Variants in MEF2B observed in about 807,000 individuals in gnomAD.
MEF2B encodes myocyte-specific enhancer factor 2B.
MEF2B carries 15 observed loss-of-function variants against 32.2 expected under a neutral mutation model. The observed-to-expected ratio is 0.47, with a 90% CI of 0.31 to 0.72. MEF2B has a LOEUF of 0.72. Ranked by LOEUF, MEF2B falls within the 30% of genes least tolerant of loss-of-function variation. The pLI is 0.05. For missense variants in MEF2B, 441 were observed against 511.5 expected (o/e 0.86, Z 1.33); for synonymous variants, 205 against 225.6 (o/e 0.91, Z 0.82).
chr19:19,155,310 C>T (rs1010263896), intron 1 of MEF2B, among the ~76,000 whole-genome samples: 3 of 152,184 alleles, frequency 2.0e-5, no homozygotes, highest in Non-Finnish European at 2.9e-5. Flanking sequence ...CCTATCCAAA[C>T]GTCAAAACCC....
intron 2 of MEF2B, 122 bp from the exon 3 acceptor site, chr19:19,149,551 C>G: frequency 7.5e-7 from 1 of 1,329,668 alleles, no homozygotes; most frequent in Non-Finnish European, 1.0e-6. Context: ...TCTGGCTGAG[C>G]TGGTAATTCT....
chr19:19,164,557 T>C (rs2060192034), intron 1 of MEF2B, among the ~76,000 whole-genome samples: 1 of 152,218 alleles, frequency 6.6e-6, no homozygotes, highest in Non-Finnish European at 1.5e-5. Context: ...CTCACGCCTG[T>C]AATCCCACTA....
At chr19:19,148,680 CTTATTTATTTAT>C (rs200858994) in intron 3 of MEF2B, among the ~76,000 whole-genome samples, 1,875 of 142,244 alleles carry the variant, frequency 0.013, 31 homozygotes, top group African/African-American at 0.04. Context: ...ACTCCTCTGT[CTTATTTATTTAT>C]TTATTTATTT....
At position 19,155,905 on chromosome 19, in the gene MEF2B, G is replaced by C. The variant is rs752062425; in HGVS notation, c.-29-5141C>G. ...CCCTGCTTTGTCCAGCCAGAAATCA[G>C]AGAGCTGTGGCATCTGCCCAGCGCA... On this transcript the variant is annotated intron_variant, in intron 1 of 8. Transcript: ENST00000424583. 2.6e-5 allele frequency among the ~76,000 whole-genome samples: 4 copies of C among 152,212 alleles called. No homozygotes were observed. The South Asian group carries it at 8.3e-4, about 31-fold the overall frequency.
At chr19:19,163,042 G>A (rs1174515378) in intron 1 of MEF2B, among the ~76,000 whole-genome samples, 4 of 152,126 alleles carry the variant, frequency 2.6e-5, no homozygotes, top group African/African-American at 9.7e-5. Flanking sequence ...CCCTTTGCCC[G>A]GACTGTGTCC....
intron 1 of MEF2B, among the ~76,000 whole-genome samples, chr19:19,168,118 C>T (rs936566070): frequency 5.9e-5 from 9 of 152,188 alleles, no homozygotes; most frequent in African/African-American, 1.7e-4. Flanking sequence ...TCTCCGAAGT[C>T]GAAATACTTT....
At chr19:19,163,718 A>G (rs917139052) in intron 1 of MEF2B, among the ~76,000 whole-genome samples, 4 of 152,088 alleles carry the variant, frequency 2.6e-5, no homozygotes, top group Non-Finnish European at 5.9e-5. Flanking sequence ...TAATGGCACA[A>G]TCTGGGCCTA....
At chr19:19,164,865 G>A (rs2060194282) in intron 1 of MEF2B, among the ~76,000 whole-genome samples, 1 of 152,214 alleles carries the variant, frequency 6.6e-6, no homozygotes, top group African/African-American at 2.4e-5. Flanking sequence ...CTAAGCCACA[G>A]TAGTGGCTGC....
chr19:19,162,264 G>C (rs534291408), intron 1 of MEF2B, among the ~76,000 whole-genome samples: 28 of 152,198 alleles, frequency 1.8e-4, no homozygotes, highest in Middle Eastern at 3.4e-3. Flanking sequence ...GGCTACAAGC[G>C]CACACCTAAT....
At chr19:19,158,387 C>A (rs1449214436) in intron 1 of MEF2B, among the ~76,000 whole-genome samples, 1 of 85,442 alleles carries the variant, frequency 1.2e-5, no homozygotes, top group Non-Finnish European at 2.6e-5. Context: ...GCGCCCCCGG[C>A]CCAAAAGGAA....
chr19:19,148,714 TA>T (rs1279272457), intron 3 of MEF2B, among the ~76,000 whole-genome samples: 2 of 151,080 alleles, frequency 1.3e-5, no homozygotes, highest in African/African-American at 4.9e-5. Context: ...TTTATTTATT[TA>T]TTTATTTATT....
At chr19:19,147,442 G>C (rs1368163034) in intron 4 of MEF2B, among the ~76,000 whole-genome samples, 1 of 68,826 alleles carries the variant, frequency 1.5e-5, no homozygotes, top group Non-Finnish European at 3.3e-5. Context: ...GCACTGAGGG[G>C]GCTGCACAGA....
chr19:19,147,173 G>C lies in MEF2B; in HGVS notation c.404C>G (p.Pro135Arg). ...LPRPRLYPAAPAMPSPDVVYG... is the reference protein window; with the variant it reads ...LPRPRLYPAARAMPSPDVVYG... ...TACCACATCTGGGCTGGGCATAGCA[G>C]GAGCTGCAGGCTGTGGGTAGAGAAG... Residue 135 changes from proline (P) to arginine (R), a missense_variant, in exon 5 of 9, where the codon CCT becomes CGT. Coordinates refer to ENST00000424583, the MANE Select transcript of MEF2B (RefSeq NM_001145785.2). 1.3e-6 allele frequency: 2 copies of C among 1,576,452 alleles called. No individual in the cohort carries two copies. The highest frequency in any genetic ancestry group is 1.2e-5 in the South Asian group (1 of 86,758).
rs527247795 is a variant in MEF2B at position 19,168,213 on chromosome 19, G to C, written c.-30+1992C>G. Among the ~76,000 whole-genome samples the C allele has an allele frequency of 1.2e-3, 183 of 152,084 alleles. 1 individual carries two copies. Among genetic ancestry groups the C allele is most frequent in the African/African-American group, 4.3e-3 (178 of 41,482 alleles). ...TCCAGGGGCCCTGCCCTTCCCCAGG[G>C]ATGATTCTTGGCCAGGCTAGCCTGA... On this transcript the variant is annotated intron_variant, in intron 1 of 8. Transcript: ENST00000424583.
At position 19,147,782 on chromosome 19, in the gene MEF2B, A is replaced by T. The variant is rs1442018070; in HGVS notation, c.309T>A (p.Asp103Glu). Residue 103 changes from aspartate to glutamate, a missense_variant, in exon 4 of 9, where the codon GAT (aspartate) becomes GAA (glutamate). Around this residue, in one of 2 missense-constraint regions of MEF2B, gnomAD observed 115 missense variants for 183.1 expected, o/e 0.63. Transcript: ENST00000424583. ...TCTCTCCTGGCTCCTCAGGCCCTTC[A>T]TCCGGCTCCAGCTCTGGCCCATCGA... Reference protein sequence around the residue: ...IGLDGPELEPDEGPEEPGEKF... With the variant: ...IGLDGPELEPEEGPEEPGEKF... 1 of 1,613,660 alleles carries T rather than the reference A, an allele frequency of 6.2e-7. No homozygotes were observed. The highest frequency in any genetic ancestry group is 1.3e-5 in the African/African-American group (1 of 74,908).
At position 19,149,398 on chromosome 19, in the gene MEF2B, A is replaced by G; in HGVS notation, c.86T>C (p.Met29Thr). 1 of 1,614,010 alleles carries G rather than the reference A, an allele frequency of 6.2e-7. No individual in the cohort carries two copies. The highest frequency in any genetic ancestry group is 8.5e-7 in the Non-Finnish European group (1 of 1,180,026). Residue 29 changes from methionine (M) to threonine (T), a missense_variant, in exon 3 of 9, where the codon ATG (methionine) becomes ACG (threonine). Met to Thr is a moderately conservative substitution (Grantham distance 81). This residue lies in a region of MEF2B where 115 missense variants were observed against 183.1 expected (regional missense o/e 0.63). Coordinates refer to ENST00000424583, the MANE Select transcript of MEF2B (RefSeq NM_001145785.2). ...VTFTKRKFGL[M>T]KKAYELSVLC... is the part of the protein sequence containing the mutation. ...CACGCTCAGCTCATAGGCCTTCTTC[A>G]TCAGCCCGAACTTCCGCTTGGTGAA... is the stretch of plus-strand genomic sequence containing the variant.
intron 1 of MEF2B, among the ~76,000 whole-genome samples, chr19:19,160,212 C>T (rs541956838): frequency 1.4e-4 from 21 of 152,060 alleles, no homozygotes; most frequent in Admixed American, 3.9e-4. Context: ...TCAAGTGATC[C>T]GCCTGCTTTG....
intron 1 of MEF2B, among the ~76,000 whole-genome samples, chr19:19,160,649 C>T (rs1468852476): frequency 2.0e-4 from 26 of 128,076 alleles, no homozygotes; most frequent in Admixed American, 1.7e-3. Flanking sequence ...GGTGAGGGCC[C>T]GCGGGAGGCG....
chr19:19,161,931 C>T lies in MEF2B; in HGVS notation c.-30+8274G>A, dbSNP rs577737071. Among the ~76,000 whole-genome samples the T allele has an allele frequency of 7.9e-5, 12 of 152,014 alleles. No homozygotes were observed. The South Asian group carries it at 2.3e-3, about 29-fold the overall frequency. The stretch of plus-strand genomic sequence containing the variant: ...CAAGCGATTCTCCTGCCTCAGCCTC[C>T]CCAGTAGCTGGGATTACAGCCATGC... On this transcript the variant is annotated intron_variant, in intron 1 of 8. Transcript: ENST00000424583.
Sources: gnomAD v4.1 joint callset for allele counts (sites outside exome capture counted in the v4.1 genomes callset) on GRCh38, gnomAD v4.1.1 for gene constraint, gnomAD v4.1.1 regional missense constraint, MANE v1.5 for transcripts, NCBI Gene and HGNC (gene_info 2026-07-23, HGNC 2026-07-21) for gene names.